The following ZNF560 variants were observed in gnomAD, a reference collection of about 807,000 sequenced individuals.
ZNF560 encodes zinc finger protein 560.
ZNF560 carries 54 observed loss-of-function variants against 81.8 expected under a neutral mutation model. The observed-to-expected ratio is 0.66, with a 90% confidence interval of 0.53 to 0.83. The LOEUF (loss-of-function observed/expected upper bound fraction) is 0.83. ZNF560 is among the 40% of genes least tolerant of loss of function. The pLI is 0.00. For missense variants in ZNF560, 940 were observed against 932.4 expected, an observed-to-expected ratio of 1.01 and a Z score of -0.11; for synonymous variants, 321 against 317.9, an observed-to-expected ratio of 1.01 and a Z score of -0.10.
chr19:9,494,165 T>G, intron 2 of ZNF560, among the ~76,000 whole-genome samples: 1 of 150,106 alleles, frequency 6.7e-6, no homozygotes, highest in East Asian at 2.0e-4. Flanking sequence ...TAATATGGCC[T>G]GTGATGAGGG....
the ZNF560 span, among the ~76,000 whole-genome samples, chr19:9,454,317 C>G: frequency 6.6e-6 from 1 of 152,180 alleles, no homozygotes; most frequent in Non-Finnish European, 1.5e-5. Context: ...CCACATTGCA[C>G]TCTCTTTTTG....
intron 2 of ZNF560, among the ~76,000 whole-genome samples, chr19:9,485,509 GAA>G (rs36106807): frequency 9.1e-4 from 116 of 127,348 alleles, no homozygotes; most frequent in African/African-American, 2.1e-3. Flanking sequence ...TACATCTCAA[GAA>G]AAAAAAAAAA....
At chr19:9,482,549 C>A (rs568776972) in intron 2 of ZNF560, among the ~76,000 whole-genome samples, 2 of 152,064 alleles carry the variant, frequency 1.3e-5, no homozygotes, top group Non-Finnish European at 2.9e-5. Flanking sequence ...TCACTTGAGA[C>A]CAGGAAGTCA....
chr19:9,449,711 G>A, the ZNF560 span, among the ~76,000 whole-genome samples: 2 of 152,214 alleles, frequency 1.3e-5, no homozygotes, highest in Non-Finnish European at 2.9e-5. Context: ...GCTCATGCCT[G>A]TAATCCCAGC....
the ZNF560 span, among the ~76,000 whole-genome samples, chr19:9,454,509 G>A: frequency 3.9e-5 from 6 of 152,186 alleles, no homozygotes; most frequent in Admixed American, 3.9e-4. Context: ...CCCATGGTAA[G>A]TAAGAAGGGG....
upstream of ZNF560, among the ~76,000 whole-genome samples, chr19:9,500,181 C>T (rs1490626733): frequency 6.6e-6 from 1 of 151,896 alleles, no homozygotes; most frequent in African/African-American, 2.4e-5. Flanking sequence ...GTCAGGAGTT[C>T]AAGACCAGCC....
chr19:9,478,201 C>G (rs1364106159), intron 2 of ZNF560, among the ~76,000 whole-genome samples: 6 of 152,152 alleles, frequency 3.9e-5, no homozygotes, highest in Non-Finnish European at 8.8e-5. Flanking sequence ...GCAGACCTGT[C>G]ACCAAAGACC....
the ZNF560 span, among the ~76,000 whole-genome samples, chr19:9,503,756 A>T: frequency 2.0e-5 from 3 of 152,126 alleles, no homozygotes; most frequent in Non-Finnish European, 4.4e-5. Context: ...CTGACTGGTC[A>T]TGAACTCGCA....
the ZNF560 span, among the ~76,000 whole-genome samples, chr19:9,447,469 A>G: frequency 1.3e-5 from 2 of 152,148 alleles, no homozygotes; most frequent in African/African-American, 4.8e-5. Context: ...GACAAGATTG[A>G]AAATCAACAC....
rs138157582 is a variant in ZNF560 at position 9,489,598 on chromosome 19, C to T, written c.-57+8530G>A. ...GGAACTTCTTTATAAATTACCCAGT[C>T]TCATGTATTTTTTTTTTTTTGAGAC... is the stretch of plus-strand genomic sequence containing the variant. On this transcript the variant is annotated intron_variant, in intron 2 of 9. Transcript: ENST00000301480. 2.5e-3 allele frequency among the ~76,000 whole-genome samples: 383 copies of T among 151,440 alleles called. 2 individuals carry two copies. The highest frequency in any genetic ancestry group is 9.1e-3 in the African/African-American group (373 of 40,824).
chr19:9,471,416 TAAA>T (rs3068759), intron 5 of ZNF560, 38 bp from the exon 6 acceptor site: 112,623 of 1,264,980 alleles, frequency 0.089, 50 homozygotes, highest in Non-Finnish European at 0.1. Context: ...TTTTTTTTTT[TAAA>T]AAAAAAGGTA....
intron 2 of ZNF560, among the ~76,000 whole-genome samples, chr19:9,477,084 A>G (rs2073213969): frequency 6.6e-6 from 1 of 152,184 alleles, no homozygotes; most frequent in African/African-American, 2.4e-5. Context: ...TGCTGGTGAT[A>G]TGTGTAAAAC....
At chr19:9,500,460 T>A (rs902479140), upstream of ZNF560, among the ~76,000 whole-genome samples, 2 of 152,090 alleles carry the variant, frequency 1.3e-5, no homozygotes, top group African/African-American at 2.4e-5. Context: ...TCAGACATCT[T>A]TCTCTCCTTC....
downstream of ZNF560, among the ~76,000 whole-genome samples, chr19:9,464,305 T>C (rs1023370013): frequency 3.3e-5 from 5 of 152,194 alleles, no homozygotes; most frequent in African/African-American, 9.7e-5. Context: ...CTGCCAATCA[T>C]AGCAGTTAAC....
At chr19:9,500,955 A>AT (rs141003177), upstream of ZNF560, among the ~76,000 whole-genome samples, 15,393 of 151,738 alleles carry the variant, frequency 0.1, 912 homozygotes, top group South Asian at 0.2. Flanking sequence ...ATTCTGTGGG[A>AT]TTTTTTGTCT....
At chr19:9,490,336 G>A (rs1009106789) in intron 2 of ZNF560, among the ~76,000 whole-genome samples, 1 of 152,310 alleles carries the variant, frequency 6.6e-6, no homozygotes, top group Non-Finnish European at 1.5e-5. Context: ...AGAACCTTGA[G>A]TGCCAAAAAC....
chr19:9,494,655 G>A (rs1455266557), intron 2 of ZNF560, among the ~76,000 whole-genome samples: 1 of 152,108 alleles, frequency 6.6e-6, no homozygotes, highest in East Asian at 1.9e-4. Context: ...AGAATTGCTT[G>A]AACCTGGGAG....
At chr19:9,482,589 G>A (rs1253232982) in intron 2 of ZNF560, among the ~76,000 whole-genome samples, 1 of 151,832 alleles carries the variant, frequency 6.6e-6, no homozygotes, top group African/African-American at 2.4e-5. Flanking sequence ...CTGCAGCACT[G>A]CACTCCAGCA....
intron 2 of ZNF560, among the ~76,000 whole-genome samples, chr19:9,486,429 A>G (rs937979584): frequency 1.3e-5 from 2 of 152,228 alleles, no homozygotes; most frequent in African/African-American, 2.4e-5. Context: ...AGAATAAATC[A>G]TAAGTGTTAG....
Sources: gnomAD v4.1 joint callset for allele counts (sites outside exome capture counted in the v4.1 genomes callset) on GRCh38, gnomAD v4.1.1 for gene constraint, MANE v1.5 for transcripts, NCBI Gene and HGNC (gene_info 2026-07-23, HGNC 2026-07-21) for gene names.